The following ASTN2 variants were observed in gnomAD, a reference collection of about 807,000 sequenced individuals.
The protein encoded by ASTN2 is astrotactin 2, also known as astrotactin-2.
ASTN2 carries 54 observed loss-of-function variants against 139.8 expected under a neutral mutation model. The observed-to-expected ratio is 0.39, with a 90% CI of 0.31 to 0.48. The LOEUF is 0.48. Ranked by LOEUF, ASTN2 falls within the 20% of genes least tolerant of loss-of-function variation. The pLI, the probability that ASTN2 is intolerant of heterozygous loss-of-function variation, is 0.95. For missense variants in ASTN2, 1,565 were observed against 1,725.1 expected (o/e 0.91, Z 1.64); for synonymous variants, 756 against 719.5 (o/e 1.05, Z -0.81).
intron 4 of ASTN2, among the ~76,000 whole-genome samples, chr9:117,127,464 C>T (rs1319910006): frequency 6.6e-6 from 1 of 152,112 alleles, no homozygotes; most frequent in Admixed American, 6.5e-5. Flanking sequence ...GGAAAATACC[C>T]TGACAAAAGC....
At chr9:116,773,075 C>A (rs1160492658) in intron 13 of ASTN2, among the ~76,000 whole-genome samples, 7 of 131,478 alleles carry the variant, frequency 5.3e-5, no homozygotes, top group Non-Finnish European at 1.6e-5. Flanking sequence ...GGACACTGGA[C>A]CTCCATCCTA....
In ASTN2 at chr9:117,209,202, T is replaced by A. The variant is rs539547226; in HGVS notation, c.1015+5156A>T. On this transcript the variant is annotated intron_variant, in intron 3 of 22. Coordinates refer to ENST00000313400, the MANE Select transcript of ASTN2 (RefSeq NM_001365068.1). ...TGAAACACTGATTAGTTCCCACCTA[T>A]CAACAATAACAATTATTATAAATGA... 4.6e-4 allele frequency among the ~76,000 whole-genome samples: 70 copies of A among 152,168 alleles called. No individual in the cohort carries two copies. In the South Asian group the frequency reaches 0.013, roughly 29 times the overall value.
At chr9:117,211,874 A>C (rs1204206097) in intron 3 of ASTN2, among the ~76,000 whole-genome samples, 1 of 152,298 alleles carries the variant, frequency 6.6e-6, no homozygotes, top group African/African-American at 2.4e-5. Flanking sequence ...TCTACAAGAA[A>C]AATATAAAAC....
intron 5 of ASTN2, among the ~76,000 whole-genome samples, chr9:117,079,389 A>T (rs1296228090): frequency 6.6e-6 from 1 of 152,078 alleles, no homozygotes; most frequent in Non-Finnish European, 1.5e-5. Context: ...AGACCGACCG[A>T]CCAACCAGCA....
chr9:116,590,214 G>A (rs1421331585), intron 19 of ASTN2, among the ~76,000 whole-genome samples: 1 of 152,194 alleles, frequency 6.6e-6, no homozygotes, highest in African/African-American at 2.4e-5. Context: ...TGCAGCTGTG[G>A]ATCCAGGCAT....
At chr9:117,271,175 C>G (rs976310301) in intron 2 of ASTN2, among the ~76,000 whole-genome samples, 2 of 152,154 alleles carry the variant, frequency 1.3e-5, no homozygotes, top group Admixed American at 6.5e-5. Context: ...TTCCACATGG[C>G]TGGGGACACC....
At chr9:116,822,459 T>G (rs1307756194) in intron 11 of ASTN2, among the ~76,000 whole-genome samples, 1 of 152,168 alleles carries the variant, frequency 6.6e-6, no homozygotes, top group Non-Finnish European at 1.5e-5. Context: ...TCTCTGAACA[T>G]TCACTGTCAG....
chr9:116,934,754 G>T (rs1280747991), intron 10 of ASTN2, among the ~76,000 whole-genome samples: 2 of 152,126 alleles, frequency 1.3e-5, no homozygotes. Flanking sequence ...TTGTACCCTT[G>T]AACTTAATAT....
At chr9:116,829,010 A>T (rs1003258110) in intron 11 of ASTN2, among the ~76,000 whole-genome samples, 5 of 152,160 alleles carry the variant, frequency 3.3e-5, no homozygotes, top group Non-Finnish European at 1.5e-5. Context: ...TAAATTGTAG[A>T]TGACATAAAT....
chr9:116,744,158 G>A (rs1032255043), intron 13 of ASTN2, among the ~76,000 whole-genome samples: 1 of 152,132 alleles, frequency 6.6e-6, no homozygotes, highest in Non-Finnish European at 1.5e-5. Context: ...AAGTCCATAG[G>A]GGTGTATGTG....
intron 3 of ASTN2, among the ~76,000 whole-genome samples, chr9:117,182,594 T>C (rs80278025): frequency 6.6e-6 from 1 of 152,202 alleles, no homozygotes; most frequent in Non-Finnish European, 1.5e-5. Flanking sequence ...TCCTAATCAC[T>C]GCTTTTGTCT....
At chr9:117,022,279 G>A (rs924780453) in intron 6 of ASTN2, among the ~76,000 whole-genome samples, 6 of 151,988 alleles carry the variant, frequency 3.9e-5, no homozygotes, top group African/African-American at 1.2e-4. Context: ...CAAGCCTGGC[G>A]CTTCAGCCAG....
chr9:117,027,683 A>G (rs1358582828), intron 6 of ASTN2, among the ~76,000 whole-genome samples: 1 of 152,178 alleles, frequency 6.6e-6, no homozygotes, highest in African/African-American at 2.4e-5. Context: ...CCCAGTGGAA[A>G]AGACTCCAAG....
intron 5 of ASTN2, among the ~76,000 whole-genome samples, chr9:117,047,544 A>C (rs184132011): frequency 6.6e-6 from 1 of 152,298 alleles, no homozygotes; most frequent in African/African-American, 2.4e-5. Flanking sequence ...AAGAAAACTC[A>C]ACCCCTACTA....
chr9:117,208,935 A>G (rs764884242), intron 3 of ASTN2, among the ~76,000 whole-genome samples: 4 of 152,210 alleles, frequency 2.6e-5, no homozygotes, highest in Non-Finnish European at 5.9e-5. Flanking sequence ...AACTAATGGA[A>G]TTCATCAGCA....
intron 4 of ASTN2, among the ~76,000 whole-genome samples, chr9:117,135,710 G>A (rs1386407572): frequency 6.6e-6 from 1 of 152,194 alleles, no homozygotes; most frequent in East Asian, 1.9e-4. Context: ...GTGGCTTGCT[G>A]GGCTGCGGCT....
intron 11 of ASTN2, among the ~76,000 whole-genome samples, chr9:116,820,997 T>C (rs1042112704): frequency 2.0e-5 from 3 of 151,960 alleles, no homozygotes; most frequent in Non-Finnish European, 4.4e-5. Context: ...CTTTTGTGAC[T>C]ATCTGCTTAT....
chr9:116,437,879 T>G (rs942553743), intron 22 of ASTN2, among the ~76,000 whole-genome samples: 1 of 152,220 alleles, frequency 6.6e-6, no homozygotes, highest in Admixed American at 6.5e-5. Context: ...AGATCCGTTT[T>G]ATCCCTGGAC....
chr9:117,361,577 C>T (rs1442618456), intron 1 of ASTN2, among the ~76,000 whole-genome samples: 3 of 152,106 alleles, frequency 2.0e-5, no homozygotes, highest in Admixed American at 6.5e-5. Flanking sequence ...CAAACTAAAC[C>T]AGAATGAGGG....
Sources: gnomAD v4.1 joint callset for allele counts (sites outside exome capture counted in the v4.1 genomes callset) on GRCh38, gnomAD v4.1.1 for gene constraint, MANE v1.5 for transcripts, NCBI Gene and HGNC (gene_info 2026-07-23, HGNC 2026-07-21) for gene names.